Variants in EYS observed in about 807,000 individuals in gnomAD.
EYS encodes protein eyes shut homolog.
In EYS, 250 loss-of-function variants were observed where a neutral mutation model predicts 282.1. The ratio of observed to expected loss-of-function variants is 0.89; its 90% CI spans 0.80 to 0.98. EYS has a LOEUF of 0.98. Ranked by LOEUF, EYS falls within the 50% of genes least tolerant of loss-of-function variation. The probability of loss-of-function intolerance (pLI) is 0.00; values close to 1 mark genes in which losing one functional copy is unlikely to be tolerated. For synonymous variants in EYS, 1,355 were observed against 1,282.9 expected, an observed-to-expected ratio of 1.06 and a Z score of -1.20; for missense variants, 4,016 against 3,709.0, an observed-to-expected ratio of 1.08 and a Z score of -2.15.
intron 15 of EYS, among the ~76,000 whole-genome samples, chr6:64,916,909 A>T (rs1768184001): frequency 6.6e-6 from 1 of 152,238 alleles, no homozygotes; most frequent in Non-Finnish European, 1.5e-5. Context: ...TTAAAGTACT[A>T]AAGCTGATAA....
At chr6:65,391,323 A>G (rs1766022162) in intron 7 of EYS, among the ~76,000 whole-genome samples, 1 of 152,142 alleles carries the variant, frequency 6.6e-6, no homozygotes, top group African/African-American at 2.4e-5. Context: ...TTTAATAGTT[A>G]TATAGTTTAT....
intron 31 of EYS, among the ~76,000 whole-genome samples, chr6:64,189,950 A>G (rs1223380222): frequency 6.6e-6 from 1 of 152,150 alleles, no homozygotes; most frequent in Non-Finnish European, 1.5e-5. Flanking sequence ...GAGCTAAATC[A>G]TTTTCCTTCC....
chr6:65,648,530 TACA>T (rs1767538676), intron 1 of EYS, among the ~76,000 whole-genome samples: 1 of 152,050 alleles, frequency 6.6e-6, no homozygotes, highest in African/African-American at 2.4e-5. Flanking sequence ...ATAAGAATGA[TACA>T]ATAGACTTTG....
chr6:65,569,334 C>T lies in EYS; in HGVS notation c.-333+70444G>A, dbSNP rs193283874. ...CACTGACTCTTTTTCGGACTCAGCC[C>T]GCCTGCACCCAGATGAAATAAACTG... On this transcript the variant is annotated intron_variant, in intron 2 of 42. Transcript: ENST00000503581. Among the ~76,000 whole-genome samples, 39 of 152,186 alleles carry T rather than the reference C, an allele frequency of 2.6e-4. 1 individual carries two copies. The highest frequency in any genetic ancestry group is 7.8e-4 in the East Asian group (4 of 5,156).
At chr6:63,779,111 G>T (rs1770140539) in intron 39 of EYS, 1 of 146,108 alleles carries the variant, frequency 6.8e-6, no homozygotes. Context: ...TGTTTATGTT[G>T]TCACATTTTT....
At chr6:64,826,181 T>C (rs368366698) in intron 19 of EYS, among the ~76,000 whole-genome samples, 28 of 152,000 alleles carry the variant, frequency 1.8e-4, no homozygotes, top group African/African-American at 5.5e-4. Context: ...TGACCTGGCA[T>C]GCATCACTGC....
intron 27 of EYS, among the ~76,000 whole-genome samples, chr6:64,437,246 T>C (rs538822295): frequency 1.3e-3 from 197 of 151,798 alleles, no homozygotes; most frequent in Non-Finnish European, 2.2e-3. Context: ...AATAATGTAT[T>C]ATTAAGACTA....
At chr6:64,754,004 C>T (rs1772849061) in intron 22 of EYS, among the ~76,000 whole-genome samples, 1 of 152,014 alleles carries the variant, frequency 6.6e-6, no homozygotes, top group African/African-American at 2.4e-5. Context: ...CCTGAATGAT[C>T]TTTGGGTACA....
At chr6:64,587,381 CA>C (rs1375613721) in intron 26 of EYS, among the ~76,000 whole-genome samples, 1 of 152,006 alleles carries the variant, frequency 6.6e-6, no homozygotes, top group African/African-American at 2.4e-5. Context: ...TATATTTTGG[CA>C]GTGTCACGGA....
intron 12 of EYS, among the ~76,000 whole-genome samples, chr6:65,097,836 G>C (rs941059840): frequency 4.6e-5 from 7 of 150,614 alleles, no homozygotes; most frequent in Non-Finnish European, 8.9e-5. Context: ...GTGATTATCA[G>C]ATACTGGGTA....
In EYS at chr6:64,772,164, C is replaced by T. The variant is rs143006458; in HGVS notation, c.3443+41214G>A. 2.4e-3 allele frequency among the ~76,000 whole-genome samples: 365 copies of T among 151,710 alleles called. 1 individual carries two copies. The highest frequency in any genetic ancestry group is 4.6e-3 in the Admixed American group (70 of 15,194). On this transcript the variant is annotated intron_variant, in intron 22 of 42. Transcript: ENST00000503581. ...GAGAATAATACATGGTTGGTGTTTT[C>T]CAGTCTAACTAATCTGTTTTTAGGG... is the stretch of plus-strand genomic sequence containing the variant.
intron 37 of EYS, among the ~76,000 whole-genome samples, chr6:63,791,731 G>C (rs746014289): frequency 6.6e-6 from 1 of 152,122 alleles, no homozygotes; most frequent in African/African-American, 2.4e-5. Flanking sequence ...TTTTACCAGA[G>C]ACTCTTAGGA....
At chr6:64,002,222 G>A (rs1768130435) in intron 33 of EYS, among the ~76,000 whole-genome samples, 1 of 152,190 alleles carries the variant, frequency 6.6e-6, no homozygotes, top group Admixed American at 6.5e-5. Context: ...CCCAACTCCA[G>A]GGGAAGACCA....
At position 64,230,607 on chromosome 6, in the gene EYS, G is replaced by A. The variant is rs763862423; in HGVS notation, c.6409C>T (p.Arg2137Cys). The change falls in exon 31 of 43, where the codon CGC becomes TGC. Residue 2137 changes from arginine to cysteine, a missense_variant. By Grantham distance (180) the Arg-to-Cys change is radical. Transcript: ENST00000503581. ...GATTGATTACCTTTTTCACAGAAGC[G>A]GCCAGTGAAATGTAGTGGACAGTCA... ...QCDCPLHFTG[R>C]FCEKDAGLFF... The A allele has an allele frequency of 9.1e-5, 140 of 1,545,574 alleles. No homozygotes were observed. The highest frequency in any genetic ancestry group is 1.1e-4 in the Non-Finnish European group (126 of 1,142,108).
chr6:64,093,839 C>G (rs1174258363), intron 31 of EYS, among the ~76,000 whole-genome samples: 1 of 152,108 alleles, frequency 6.6e-6, no homozygotes, highest in Non-Finnish European at 1.5e-5. Context: ...TGCCGGTTTT[C>G]AAAGGGAATG....
intron 5 of EYS, among the ~76,000 whole-genome samples, chr6:65,467,787 T>C (rs1195413798): frequency 6.6e-6 from 1 of 151,870 alleles, no homozygotes; most frequent in African/African-American, 2.4e-5. Context: ...AGTGTGGGGG[T>C]AATTGTCCAG....
intron 22 of EYS, among the ~76,000 whole-genome samples, chr6:64,778,852 A>C (rs1035271419): frequency 6.6e-6 from 1 of 152,170 alleles, no homozygotes; most frequent in Non-Finnish European, 1.5e-5. Context: ...AGATCCCAAT[A>C]GATGCTTCAC....
At chr6:64,392,112 C>T (rs1411856556) in intron 28 of EYS, among the ~76,000 whole-genome samples, 1 of 151,826 alleles carries the variant, frequency 6.6e-6, no homozygotes, top group Non-Finnish European at 1.5e-5. Flanking sequence ...ACAGGAGCAC[C>T]AAGATCCATA....
At chr6:63,982,349 A>G (rs1323326403) in intron 35 of EYS, among the ~76,000 whole-genome samples, 1 of 151,814 alleles carries the variant, frequency 6.6e-6, no homozygotes, top group Non-Finnish European at 1.5e-5. Flanking sequence ...ACATTGCAGT[A>G]AAGGTATGGG....
Sources: allele counts gnomAD v4.1 joint callset (sites outside exome capture counted in the v4.1 genomes callset), GRCh38; gene constraint gnomAD v4.1.1; transcripts MANE v1.5; gene names NCBI Gene and HGNC (gene_info 2026-07-23, HGNC 2026-07-21).